SH3PXD2B: variants seen among roughly 807,000 people sequenced by gnomAD.
SH3PXD2B encodes the protein SH3 and PX domain-containing protein 2B.
A neutral mutation model predicts 73.1 loss-of-function variants in SH3PXD2B; 37 were observed. The ratio of observed to expected loss-of-function variants is 0.51; its 90% CI spans 0.39 to 0.67. SH3PXD2B has a LOEUF of 0.67. Among genes scored for constraint, SH3PXD2B ranks in the 30% least tolerant of loss-of-function variants. SH3PXD2B has a pLI of 0.00. For missense variants in SH3PXD2B, 1,053 were observed against 1,197.8 expected, an observed-to-expected ratio of 0.88 and a Z score of 1.78; for synonymous variants, 457 against 480.5, an observed-to-expected ratio of 0.95 and a Z score of 0.64.
chr5:172,405,857 T>C (rs1261024900), intron 3 of SH3PXD2B, among the ~76,000 whole-genome samples: 1 of 152,178 alleles, frequency 6.6e-6, no homozygotes, highest in Non-Finnish European at 1.5e-5. Context: ...TAGAAAAACT[T>C]TCTGAGTTCG....
At chr5:172,422,248 G>A (rs1404145922) in intron 2 of SH3PXD2B, among the ~76,000 whole-genome samples, 168 bp downstream of exon 2, 6 of 152,120 alleles carry the variant, frequency 3.9e-5, no homozygotes, top group East Asian at 1.9e-4. Context: ...ACCCACCTCC[G>A]CCTCCCAAAG....
chr5:172,370,466 A>G (rs1285686062), intron 6 of SH3PXD2B, among the ~76,000 whole-genome samples: 1 of 152,214 alleles, frequency 6.6e-6, no homozygotes, highest in African/African-American at 2.4e-5. Context: ...GAGATTTGCT[A>G]TAAGCAAGAC....
At chr5:172,374,436 C>A (rs1757778237) in intron 5 of SH3PXD2B, among the ~76,000 whole-genome samples, 1 of 152,230 alleles carries the variant, frequency 6.6e-6, no homozygotes, top group African/African-American at 2.4e-5. Context: ...AATCCCAGCA[C>A]TTTGGGAGGC....
At chr5:172,349,371 C>A (rs754045536) in intron 10 of SH3PXD2B, among the ~76,000 whole-genome samples, 1 of 152,236 alleles carries the variant, frequency 6.6e-6, no homozygotes, top group Non-Finnish European at 1.5e-5. Flanking sequence ...GTGCGTAAGT[C>A]CTGGGCACCA....
chr5:172,388,237 T>C (rs1238206657), intron 4 of SH3PXD2B, among the ~76,000 whole-genome samples: 1 of 152,256 alleles, frequency 6.6e-6, no homozygotes, highest in Non-Finnish European at 1.5e-5. Flanking sequence ...ATTTGGGGTA[T>C]CATCTATAGC....
chr5:172,397,511 G>C (rs1328920337), intron 3 of SH3PXD2B, among the ~76,000 whole-genome samples: 1 of 152,062 alleles, frequency 6.6e-6, no homozygotes, highest in Non-Finnish European at 1.5e-5. Flanking sequence ...TTGCAGCTTG[G>C]GGGGCATCAC....
chr5:172,394,756 T>C (rs1172586625), intron 3 of SH3PXD2B, 117 bp from the exon 4 acceptor site: 1 of 1,042,714 alleles, frequency 9.6e-7, no homozygotes, highest in Non-Finnish European at 1.4e-6. Context: ...CCAAAATTCC[T>C]GGCTGCGATC....
At chr5:172,369,392 G>A (rs148054303) in intron 6 of SH3PXD2B, among the ~76,000 whole-genome samples, 1 of 152,124 alleles carries the variant, frequency 6.6e-6, no homozygotes, top group Non-Finnish European at 1.5e-5. Flanking sequence ...ACCCTTTAGA[G>A]AAAGTTTGTC....
Position 172,339,883 on chromosome 5 carries a change from T to A in SH3PXD2B, c.1222A>T (p.Ile408Phe), listed in dbSNP as rs557204946. The change falls in exon 13 of 13, where the codon ATT becomes TTT. Residue 408 changes from isoleucine to phenylalanine, a missense_variant. Ile to Phe is a conservative substitution (Grantham distance 21). Transcript: ENST00000311601. This position sits in a 1 kb window ranked among gnomAD's most constrained non-coding sequence, Gnocchi z 6.1. ...IEKNLSGWWY[I>F]QIEDKEGWAP... ...CACCCTTCCTTATCTTCAATCTGAA[T>A]GTACCACCAGCCACTCAAGTTTTTC... 1.2e-6 allele frequency: 2 copies of A among 1,614,238 alleles called. No homozygotes were observed. Among genetic ancestry groups the A allele is most frequent in the Non-Finnish European group, 1.7e-6 (2 of 1,180,046 alleles).
intron 5 of SH3PXD2B, among the ~76,000 whole-genome samples, chr5:172,376,525 TCAGAG>T (rs1319935576): frequency 1.3e-5 from 2 of 152,210 alleles, no homozygotes; most frequent in African/African-American, 4.8e-5. Flanking sequence ...TAATAATGCT[TCAGAG>T]CAACCTGGGA....
At chr5:172,361,208 C>T (rs1297763251) in intron 7 of SH3PXD2B, among the ~76,000 whole-genome samples, 1 of 152,068 alleles carries the variant, frequency 6.6e-6, no homozygotes, top group African/African-American at 2.4e-5. Flanking sequence ...CACACACGCA[C>T]ACATACACAC....
At chr5:172,376,988 C>G (rs1757835778) in intron 5 of SH3PXD2B, among the ~76,000 whole-genome samples, 1 of 152,178 alleles carries the variant, frequency 6.6e-6, no homozygotes, top group South Asian at 2.1e-4. Context: ...GAAGGTTCCA[C>G]CAGGCTGCTT....
At chr5:172,394,681 G>A (rs960265446) in intron 3 of SH3PXD2B, 42 bp from the exon 4 acceptor site, 4 of 1,606,486 alleles carry the variant, frequency 2.5e-6, no homozygotes, top group Middle Eastern at 1.7e-4. Flanking sequence ...CAGGGAACAG[G>A]GACAAGCTCT....
In SH3PXD2B at chr5:172,345,231, C is replaced by G. The variant is rs1581263216; in HGVS notation, c.1188+905G>C. On this transcript the variant is annotated intron_variant, in intron 12 of 12. Transcript: ENST00000311601. ...AAGAGGTATGCTGGAGTGAACTGATCAATGGTGTCTACTGCCCTGTGCCAT... is the reference window on the plus strand; with the variant it reads ...AAGAGGTATGCTGGAGTGAACTGATGAATGGTGTCTACTGCCCTGTGCCAT... 6.6e-5 allele frequency among the ~76,000 whole-genome samples: 10 copies of G among 151,938 alleles called. No homozygotes were observed. The South Asian group carries it at 2.1e-3, about 32-fold the overall frequency.
chr5:172,439,791 A>G (rs1274470757), intron 1 of SH3PXD2B, among the ~76,000 whole-genome samples: 1 of 151,504 alleles, frequency 6.6e-6, no homozygotes, highest in African/African-American at 2.4e-5. Context: ...CATGGGCAGC[A>G]GGAACTATTT....
chr5:172,409,844 T>C (rs1758651387), intron 2 of SH3PXD2B, among the ~76,000 whole-genome samples: 1 of 152,178 alleles, frequency 6.6e-6, no homozygotes, highest in Non-Finnish European at 1.5e-5. Flanking sequence ...GCCTCCCCGG[T>C]AGCTGAGATT....
rs111307665 is a variant in SH3PXD2B at position 172,354,265 on chromosome 5, C to T, written c.668-260G>A. ...TGCTTCAATCTGTGCTTCGAGTTCACCTTCCTTGACCACCTTATACAGTAC... is the reference window on the plus strand; with the variant it reads ...TGCTTCAATCTGTGCTTCGAGTTCATCTTCCTTGACCACCTTATACAGTAC... On this transcript the variant is annotated intron_variant, in intron 8 of 12. Transcript: ENST00000311601. Among the ~76,000 whole-genome samples, 337 of 152,326 alleles carry T rather than the reference C, an allele frequency of 2.2e-3. 1 individual carries two copies. Among genetic ancestry groups the T allele is most frequent in the African/African-American group, 7.5e-3 (310 of 41,570 alleles).
rs77977287 is a variant in SH3PXD2B at position 172,426,842 on chromosome 5, C to T, written c.76-4346G>A. On this transcript the variant is annotated intron_variant, in intron 1 of 12. Transcript: ENST00000311601. ...GAGGGAGAGAGGAGGGCTCAGACCC[C>T]GTGGCAACATTTGAACCCCTGGATC... 1.5e-3 allele frequency among the ~76,000 whole-genome samples: 223 copies of T among 152,298 alleles called. 2 individuals carry two copies. Among genetic ancestry groups the T allele is most frequent in the Non-Finnish European group, 1.1e-3 (77 of 68,024 alleles).
rs753270125 is a variant in SH3PXD2B at position 172,422,503 on chromosome 5, G to A, written c.76-7C>T. On this transcript the variant is annotated splice_region_variant and splice_polypyrimidine_tract_variant and intron_variant, in intron 1 of 12. Transcript: ENST00000311601. The stretch of plus-strand genomic sequence containing the variant: ...TGACCCGGATGATGTAGACCTGCGG[G>A]AGCAACAGAGGAGATGGGTGTTAAC... 1.2e-6 allele frequency: 2 copies of A among 1,609,866 alleles called. No individual in the cohort carries two copies. Among genetic ancestry groups the A allele is most frequent in the African/African-American group, 1.3e-5 (1 of 74,880 alleles).
Sources: allele counts gnomAD v4.1 joint callset (sites outside exome capture counted in the v4.1 genomes callset), GRCh38; gene constraint gnomAD v4.1.1; non-coding constraint Gnocchi (gnomAD v3.1); transcripts MANE v1.5; gene names NCBI Gene and HGNC (gene_info 2026-07-23, HGNC 2026-07-21).